The following ETS1 variants were observed in gnomAD, a reference collection of about 807,000 sequenced individuals.
The protein encoded by ETS1 is protein C-ets-1.
In ETS1, 15 loss-of-function variants were observed where a neutral mutation model predicts 58.6. The ratio of observed to expected loss-of-function variants is 0.26; its 90% CI spans 0.17 to 0.39. The LOEUF (loss-of-function observed/expected upper bound fraction) is 0.39, where lower values mean the gene tolerates loss of function less well. Ranked by LOEUF, ETS1 falls within the 10% of genes least tolerant of loss-of-function variation. The probability of loss-of-function intolerance (pLI) is 1.00; values close to 1 mark genes in which losing one functional copy is unlikely to be tolerated. For synonymous variants in ETS1, 214 were observed against 218.2 expected, an observed-to-expected ratio of 0.98 and a Z score of 0.17; for missense variants, 417 against 610.5, an observed-to-expected ratio of 0.68 and a Z score of 3.34.
chr11:128,536,243 G>A (rs569662105), intron 3 of ETS1, among the ~76,000 whole-genome samples: 3 of 152,286 alleles, frequency 2.0e-5, no homozygotes, highest in East Asian at 3.9e-4. Context: ...CAGCCATTGA[G>A]AATTAAGCAT....
At chr11:128,527,627 T>C (rs1863824214) in intron 3 of ETS1, among the ~76,000 whole-genome samples, 1 of 152,162 alleles carries the variant, frequency 6.6e-6, no homozygotes, top group South Asian at 2.1e-4. Context: ...ATAATGGCAA[T>C]AGCACAGATG....
At chr11:128,528,362 A>G (rs1165626827) in intron 3 of ETS1, among the ~76,000 whole-genome samples, 2 of 152,200 alleles carry the variant, frequency 1.3e-5, no homozygotes, top group Non-Finnish European at 2.9e-5. Context: ...GGGAAGGTCA[A>G]GCTGACAATC....
At chr11:128,520,406 T>C (rs767937461) in intron 3 of ETS1, among the ~76,000 whole-genome samples, 1 of 152,200 alleles carries the variant, frequency 6.6e-6, no homozygotes, top group Non-Finnish European at 1.5e-5. Context: ...TAAACACCCA[T>C]AACAACACAT....
chr11:128,556,009 A>G (rs1229758839), intron 3 of ETS1, among the ~76,000 whole-genome samples: 1 of 152,354 alleles, frequency 6.6e-6, no homozygotes, highest in East Asian at 1.9e-4. Context: ...CTCTCTGACA[A>G]CAGCCAAAAC....
intron 7 of ETS1, among the ~76,000 whole-genome samples, chr11:128,481,105 A>AT (rs1422021714): frequency 1.3e-5 from 2 of 152,134 alleles, no homozygotes; most frequent in African/African-American, 4.8e-5. Flanking sequence ...TTCCCAAGAG[A>AT]TTTTTTAAAA....
chr11:128,520,313 C>T (rs978835426), intron 3 of ETS1, among the ~76,000 whole-genome samples: 1 of 152,158 alleles, frequency 6.6e-6, no homozygotes, highest in African/African-American at 2.4e-5. Flanking sequence ...TTTTCATTCC[C>T]AGGATGAAAG....
chr11:128,533,261 A>C (rs1417196027), intron 3 of ETS1, among the ~76,000 whole-genome samples: 2 of 152,210 alleles, frequency 1.3e-5, no homozygotes, highest in Non-Finnish European at 2.9e-5. Flanking sequence ...CCCACATCGC[A>C]ATACACAAGG....
At chr11:128,467,590 T>G (rs1862072628) in intron 8 of ETS1, among the ~76,000 whole-genome samples, 1 of 152,078 alleles carries the variant, frequency 6.6e-6, no homozygotes, top group Admixed American at 6.6e-5. Context: ...CCTACCCAAA[T>G]GGACTGTGGT....
At chr11:128,473,711 T>C (rs148793872) in intron 8 of ETS1, among the ~76,000 whole-genome samples, 16 of 152,280 alleles carry the variant, frequency 1.1e-4, no homozygotes, top group Non-Finnish European at 1.8e-4. Context: ...CAAGTCACCT[T>C]AGGGAGACAG....
At position 128,463,353 on chromosome 11, in the gene ETS1, T is replaced by A. The variant is rs1861952539; in HGVS notation, c.1242+156A>T. Among the ~76,000 whole-genome samples the A allele has an allele frequency of 6.6e-6, 1 of 152,208 alleles. No individual in the cohort carries two copies. The highest frequency in any genetic ancestry group is 1.5e-5 in the Non-Finnish European group (1 of 68,028). On this transcript the variant is annotated intron_variant, in intron 9 of 9. Coordinates refer to ENST00000392668, the MANE Select transcript of ETS1 (RefSeq NM_001143820.2). The surrounding 1 kb of genome is among the most constrained non-coding windows in gnomAD (Gnocchi z 4.1). The stretch of plus-strand genomic sequence containing the variant: ...TTCTCTATTTTCCAAATAATGAACC[T>A]GGAGCTCAGACAGGCTACCTAGCTT...
At chr11:128,472,108 G>A (rs563567772) in intron 8 of ETS1, among the ~76,000 whole-genome samples, 1 of 151,902 alleles carries the variant, frequency 6.6e-6, no homozygotes, top group South Asian at 2.1e-4. Flanking sequence ...AGCGGAACAA[G>A]TACTTTTTGT....
In ETS1 at chr11:128,561,903, A is replaced by G. The variant is rs183684905; in HGVS notation, c.70-5468T>C. On this transcript the variant is annotated intron_variant, in intron 2 of 9. Transcript: ENST00000392668. ...AAGGATGGAGGTAGAGCACAACTCA[A>G]GGAAAATGGCAGTCAGGACAATAAG... Among the ~76,000 whole-genome samples the G allele has an allele frequency of 2.3e-3, 343 of 152,354 alleles. 3 individuals are homozygous for G. Among genetic ancestry groups the G allele is most frequent in the African/African-American group, 8.0e-3 (332 of 41,580 alleles).
chr11:128,531,923 C>T (rs1286406684), intron 3 of ETS1, among the ~76,000 whole-genome samples: 2 of 152,180 alleles, frequency 1.3e-5, no homozygotes, highest in African/African-American at 4.8e-5. Context: ...CAGCACCTTA[C>T]TGCACTCACT....
At chr11:128,522,399 C>T (rs972584494) in intron 3 of ETS1, 24 of 968,220 alleles carry the variant, frequency 2.5e-5, no homozygotes, top group East Asian at 1.1e-4. Context: ...CCGCTGGGTC[C>T]GCGCGCCCTG....
At chr11:128,522,191 T>C in intron 3 of ETS1, 1 of 1,244,228 alleles carries the variant, frequency 8.0e-7, no homozygotes, top group East Asian at 3.4e-5. Context: ...AAGTTGGCAC[T>C]TTGCGGCGAA....
Position 128,556,369 on chromosome 11 carries a change from G to A in ETS1, c.136C>T (p.Gln46Ter). Residue 46 changes from glutamine (Q) to a stop codon, truncating the protein, a stop_gained, in exon 3 of 10, where the codon CAG becomes TAG. Transcript: ENST00000392668. LOFTEE classifies it high-confidence loss of function. ...CAAAAGGGGTAGCAAGGTCTTTGCT[G>A]GTGATAATTGGACTGGAAACCACAG... ...MNCGFQSNYHQQRPCYPFWDE... is the reference protein window; with the variant it reads ...MNCGFQSNYH The A allele has an allele frequency of 1.9e-6, 3 of 1,612,974 alleles. No homozygotes were observed. The highest frequency in any genetic ancestry group is 1.1e-5 in the South Asian group (1 of 91,062).
rs537209331 is a variant in ETS1, at chr11:128,553,208, T to G, written c.214+3083A>C. Among the ~76,000 whole-genome samples the G allele has an allele frequency of 2.6e-5, 4 of 152,238 alleles. No individual in the cohort carries two copies. In the East Asian group the frequency reaches 7.7e-4, roughly 29 times the overall value. ...TTGGCTCTCGCTAATGGCTCCAGGC[T>G]GATAGGGAGGAGGGGGAAGAGGCGG... On this transcript the variant is annotated intron_variant, in intron 3 of 9. Transcript: ENST00000392668.
chr11:128,577,764 C>G (rs1362210392), intron 1 of ETS1, among the ~76,000 whole-genome samples: 1 of 152,162 alleles, frequency 6.6e-6, no homozygotes. Context: ...AAACAGGTCT[C>G]ATGGATGCTG....
Position 128,459,642 on chromosome 11 carries a change from C to T in ETS1, c.*2719G>A, listed in dbSNP as rs1360343584. 6.5e-6 allele frequency: 1 copy of T among 152,822 alleles called. No homozygotes were observed. Among genetic ancestry groups the T allele is most frequent in the Non-Finnish European group, 1.5e-5 (1 of 68,046 alleles). The allele number at this position is 152,822 out of a possible 1,614,324, so 9.5% of individuals were successfully genotyped here. ...GTGTTTTTAAAAAGCATAAACGCAA[C>T]ATTTCCAGTGTATAAACCACCCACC... is the stretch of plus-strand genomic sequence containing the variant. On this transcript the variant is annotated 3_prime_UTR_variant, in exon 10 of 10. Coordinates refer to ENST00000392668, the MANE Select transcript of ETS1 (RefSeq NM_001143820.2).
Sources: gnomAD v4.1 joint callset for allele counts (sites outside exome capture counted in the v4.1 genomes callset) on GRCh38, gnomAD v4.1.1 for gene constraint, Gnocchi (gnomAD v3.1) non-coding constraint, MANE v1.5 for transcripts, NCBI Gene and HGNC (gene_info 2026-07-23, HGNC 2026-07-21) for gene names.